The following RTN4 variants were observed in gnomAD, a reference collection of about 807,000 sequenced individuals.
RTN4 encodes the protein reticulon-4.
In RTN4, 32 loss-of-function variants were observed where a neutral mutation model predicts 90.4. The ratio of observed to expected loss-of-function variants is 0.35; its 90% CI spans 0.27 to 0.48. The LOEUF is 0.48. Among genes scored for constraint, RTN4 ranks in the 20% least tolerant of loss-of-function variants. RTN4 has a pLI of 0.99. For synonymous variants in RTN4, 629 were observed against 552.5 expected (o/e 1.14, Z -1.94); for missense variants, 1,706 against 1,430.2 (o/e 1.19, Z -3.11).
rs200580708 is a variant in RTN4 at position 54,987,621 on chromosome 2, A to G, written c.3091T>C (p.Leu1031=). 32 of 1,614,240 alleles carry G rather than the reference A, an allele frequency of 2.0e-5. No individual in the cohort carries two copies. The highest frequency in any genetic ancestry group is 2.6e-5 in the Non-Finnish European group (31 of 1,180,032). ...ACGCTCACAATGCTGAATACTGTCA[A>G]TGAAAGCAGCAGGAATAGGCTGGCA... ...FGASLFLLLS[L]TVFSIVSVTA... Residue 1031 remains leucine, a synonymous_variant, in exon 4 of 9, where the codon TTG becomes CTG. Transcript: ENST00000337526.
upstream of RTN4, among the ~76,000 whole-genome samples, chr2:55,052,391 T>C (rs1484085765): frequency 6.6e-6 from 1 of 152,206 alleles, no homozygotes; most frequent in Non-Finnish European, 1.5e-5. Flanking sequence ...AAATAAAGTT[T>C]ATGAACCTTT....
At chr2:55,068,955 G>C (rs894302433) in intron 2 of RTN4, among the ~76,000 whole-genome samples, 21 of 152,236 alleles carry the variant, frequency 1.4e-4, no homozygotes, top group African/African-American at 5.1e-4. Flanking sequence ...GTACTTTAAA[G>C]CCACTGCCTT....
At chr2:55,061,067 T>TTTTTC (rs1301418364) in intron 2 of RTN4, among the ~76,000 whole-genome samples, 2 of 1,456 alleles carry the variant, frequency 1.4e-3, no homozygotes, top group African/African-American at 0.023. Flanking sequence ...AAAATAAGAA[T>TTTTTC]TTTTTTTTTT....
intron 1 of RTN4, among the ~76,000 whole-genome samples, chr2:55,101,124 A>C (rs1471597684): frequency 2.0e-5 from 3 of 152,090 alleles, no homozygotes; most frequent in Non-Finnish European, 4.4e-5. Flanking sequence ...TAGTAGGATT[A>C]TATTTTAGTA....
chr2:55,009,090 T>G (rs1206188195), intron 3 of RTN4, among the ~76,000 whole-genome samples: 1 of 152,150 alleles, frequency 6.6e-6, no homozygotes, highest in Non-Finnish European at 1.5e-5. Flanking sequence ...ATTGAACAAA[T>G]TTTTAAAAAG....
chr2:55,032,837 T>G (rs115719440), intron 1 of RTN4, among the ~76,000 whole-genome samples: 3,254 of 152,054 alleles, frequency 0.021, 46 homozygotes, highest in Non-Finnish European at 0.033. Flanking sequence ...GACACCAGTT[T>G]GGACAACACA....
intron 1 of RTN4, chr2:55,049,142 G>C: frequency 1.0e-6 from 1 of 985,846 alleles, no homozygotes; most frequent in Non-Finnish European, 1.2e-6. Context: ...CCTTCACTGC[G>C]GTTGGGTCAA....
chr2:54,972,495 AGCTTATG>A lies in RTN4; in HGVS notation c.*654_*660del, dbSNP rs1336379046. On this transcript the variant is annotated 3_prime_UTR_variant, in exon 9 of 9. Coordinates refer to ENST00000337526, the MANE Select transcript of RTN4 (RefSeq NM_020532.5). ...TGCTCCTAGAAATATTTCTTCTTCT[AGCTTATG>A]TGCTTTGGAACTACACATGTATAAC... is the stretch of plus-strand genomic sequence containing the variant. 1 of 152,472 alleles carries A rather than the reference AGCTTATG, an allele frequency of 6.6e-6. No individual in the cohort carries two copies. The highest frequency in any genetic ancestry group is 1.5e-5 in the Non-Finnish European group (1 of 68,036). 9.4% of individuals were successfully genotyped at this position (152,472 alleles called of 1,614,324 possible). A position where few individuals can be genotyped will look rare whatever the true frequency, so the allele number is the denominator to read the frequency against.
intron 3 of RTN4, among the ~76,000 whole-genome samples, chr2:54,993,330 C>T (rs1400368075): frequency 1.3e-5 from 2 of 152,038 alleles, no homozygotes; most frequent in Non-Finnish European, 2.9e-5. Flanking sequence ...TTATTTTTCC[C>T]AGTAGGCTTT....
At chr2:55,116,853 T>C (rs1474254671), upstream of RTN4, among the ~76,000 whole-genome samples, 2 of 145,346 alleles carry the variant, frequency 1.4e-5, no homozygotes, top group African/African-American at 5.0e-5. Context: ...TGCATAGCTG[T>C]TTCTTTTTCT....
intron 2 of RTN4, among the ~76,000 whole-genome samples, chr2:55,079,931 C>T (rs1668677567): frequency 2.0e-5 from 3 of 152,338 alleles, no homozygotes; most frequent in Admixed American, 2.0e-4. Context: ...ACTCTCTGTA[C>T]CATAGTGTCC....
Position 55,026,118 on chromosome 2 carries a change from C to T in RTN4, c.1981G>A (p.Glu661Lys). ...HEPENPPPYE[E>K]AMSVSLKKVS... ...TTTTTTAGTGATACACTCATGGCCT[C>T]TTCATATGGTGGGGGGTTTTCAGGC... The change falls in exon 3 of 9, where the codon GAG becomes AAG. Residue 661 changes from glutamate (E) to lysine (K), a missense_variant. Physicochemically the swap from Glu to Lys is moderately conservative, Grantham distance 56. Transcript: ENST00000337526. 6.2e-7 allele frequency: 1 copy of T among 1,613,424 alleles called. No individual in the cohort carries two copies.
the RTN4 span, among the ~76,000 whole-genome samples, chr2:55,129,294 T>C: frequency 6.6e-6 from 1 of 151,680 alleles, no homozygotes. Flanking sequence ...CAACCATTAG[T>C]CTGGGCCAGT....
In RTN4 at chr2:55,025,397, G is replaced by A; in HGVS notation, c.2702C>T (p.Ala901Val). The A allele has an allele frequency of 1.2e-6, 2 of 1,613,906 alleles. No homozygotes were observed. The highest frequency in any genetic ancestry group is 8.5e-7 in the Non-Finnish European group (1 of 1,179,854). ...TGACCCAGCTCCATCCGGGGCATTA[G>A]CAATTTCACTTTTGTGGGATACTTC... The part of the protein sequence containing the change: ...DLEVSHKSEI[A>V]NAPDGAGSLP... The change falls in exon 3 of 9, where the codon GCT becomes GTT. Residue 901 changes from alanine (A) to valine (V), a missense_variant. Physicochemically the swap from Ala to Val is moderately conservative, Grantham distance 64. Coordinates refer to ENST00000337526, the MANE Select transcript of RTN4 (RefSeq NM_020532.5).
At chr2:55,090,111 C>CTGGGGCTGTTTTGAGTAGGA (rs1208139540) in intron 1 of RTN4, among the ~76,000 whole-genome samples, 5 of 151,984 alleles carry the variant, frequency 3.3e-5, no homozygotes, top group Non-Finnish European at 5.9e-5. Flanking sequence ...TAAAATAGAT[C>CTGGGGCTGTTTTGAGTAGGA]TGGGGCTGTT....
chr2:55,098,985 A>G (rs1667803048), intron 1 of RTN4, among the ~76,000 whole-genome samples: 1 of 152,126 alleles, frequency 6.6e-6, no homozygotes. Context: ...TCCTTCATCC[A>G]TCAGGAGGTC....
chr2:55,116,052 C>T (rs960869791), upstream of RTN4, among the ~76,000 whole-genome samples: 6 of 150,288 alleles, frequency 4.0e-5, no homozygotes, highest in Non-Finnish European at 5.9e-5. Context: ...GAGAGACAAC[C>T]CCAAAAGAGG....
intron 3 of RTN4, among the ~76,000 whole-genome samples, chr2:54,989,304 A>T (rs1372752075): frequency 6.6e-6 from 1 of 152,186 alleles, no homozygotes; most frequent in East Asian, 1.9e-4. Context: ...TTAATTTAAC[A>T]TTCTATATAT....
intron 4 of RTN4, among the ~76,000 whole-genome samples, chr2:54,983,034 C>T (rs375936789): frequency 6.6e-6 from 1 of 151,222 alleles, no homozygotes; most frequent in Admixed American, 6.6e-5. Flanking sequence ...CACAAGGATG[C>T]ACTCAGTAAA....
Sources: allele counts gnomAD v4.1 joint callset (sites outside exome capture counted in the v4.1 genomes callset), GRCh38; gene constraint gnomAD v4.1.1; transcripts MANE v1.5; gene names NCBI Gene and HGNC (gene_info 2026-07-23, HGNC 2026-07-21).